ARHGAP21: variants seen among roughly 807,000 people sequenced by gnomAD.
ARHGAP21 encodes rho GTPase-activating protein 21.
A neutral mutation model predicts 164.6 loss-of-function variants in ARHGAP21; 38 were observed. The observed-to-expected ratio is 0.23, with a 90% CI of 0.18 to 0.30. The LOEUF (loss-of-function observed/expected upper bound fraction) is 0.30, where lower values mean the gene tolerates loss of function less well. Ranked by LOEUF, ARHGAP21 falls within the 10% of genes least tolerant of loss-of-function variation. The probability of loss-of-function intolerance (pLI) is 1.00; values close to 1 mark genes in which losing one functional copy is unlikely to be tolerated. For synonymous variants in ARHGAP21, 766 were observed against 857.9 expected, an observed-to-expected ratio of 0.89 and a Z score of 1.87; for missense variants, 1,822 against 2,370.7, an observed-to-expected ratio of 0.77 and a Z score of 4.81.
At chr10:24,675,220 C>A (rs1398302848) in intron 2 of ARHGAP21, among the ~76,000 whole-genome samples, 1 of 152,084 alleles carries the variant, frequency 6.6e-6, no homozygotes, top group Non-Finnish European at 1.5e-5. Flanking sequence ...AGCCAAACAA[C>A]AGAATGCTAC....
rs769458648 is a variant in ARHGAP21, at chr10:24,584,647, C to T, written c.5642G>A (p.Arg1881Gln). ...GDPQTENPST[R>Q]EIATTDTPLS... ...AGGTGTGTCGGTCGTGGCTATTTCTCGTGTGCTTGGGTTCTCTGTCTGGGG... is the reference window on the plus strand; with the variant it reads ...AGGTGTGTCGGTCGTGGCTATTTCTTGTGTGCTTGGGTTCTCTGTCTGGGG... Residue 1881 changes from arginine (R) to glutamine (Q), a missense_variant, in exon 26 of 26, where the codon CGA (arginine) becomes CAA (glutamine). Arg to Gln is a conservative substitution (Grantham distance 43). Around this residue, in one of 5 missense-constraint regions of ARHGAP21, gnomAD observed 165 missense variants for 176.6 expected, o/e 0.93. Transcript: ENST00000396432. 1.2e-5 allele frequency: 19 copies of T among 1,613,896 alleles called. No homozygotes were observed. In the East Asian group the frequency reaches 3.3e-4, roughly 28 times the overall value.
chr10:24,705,970 A>G (rs1195912015), intron 2 of ARHGAP21, among the ~76,000 whole-genome samples: 2 of 152,236 alleles, frequency 1.3e-5, no homozygotes, highest in African/African-American at 4.8e-5. Flanking sequence ...TCAAAAGCAG[A>G]CAATAGCTAA....
rs529580194 is a variant in ARHGAP21 at position 24,601,600 on chromosome 10, ATAAAC to A, written c.2847+373_2847+377del. Among the ~76,000 whole-genome samples, 1,217 of 152,322 alleles carry A rather than the reference ATAAAC, an allele frequency of 8.0e-3. 12 individuals carry two copies. Among genetic ancestry groups the A allele is most frequent in the South Asian group, 0.018 (89 of 4,828 alleles). ...AACAAAGTTATAAAGGTAATTTAAA[ATAAAC>A]TAAGAAAAGAGACATAAAAATTTAA... On this transcript the variant is annotated intron_variant, in intron 13 of 25. Coordinates refer to ENST00000396432, the MANE Select transcript of ARHGAP21 (RefSeq NM_020824.4).
chr10:24,627,238 G>A (rs1408948165), intron 7 of ARHGAP21, among the ~76,000 whole-genome samples: 2 of 152,120 alleles, frequency 1.3e-5, no homozygotes, highest in Non-Finnish European at 2.9e-5. Flanking sequence ...TACAGTGGCT[G>A]TAAAAATGTT....
chr10:24,633,262 C>T, intron 6 of ARHGAP21, 140 bp downstream of exon 6: 1 of 584,996 alleles, frequency 1.7e-6, no homozygotes, highest in Non-Finnish European at 2.8e-6. Flanking sequence ...TGGCAACTCT[C>T]AAATGCATTA....
intron 19 of ARHGAP21, 145 bp from the exon 20 acceptor site, chr10:24,595,335 C>A (rs1422415795): frequency 1.4e-6 from 1 of 731,370 alleles, no homozygotes; most frequent in East Asian, 2.7e-5. Context: ...ATGTAAGTTC[C>A]CTGCAGGAAC....
At chr10:24,603,548 G>C (rs1284554020) in intron 12 of ARHGAP21, among the ~76,000 whole-genome samples, 1 of 152,180 alleles carries the variant, frequency 6.6e-6, no homozygotes, top group Non-Finnish European at 1.5e-5. Context: ...GTGAGTGAAT[G>C]AGTCACTGGA....
chr10:24,585,426 G>A lies in ARHGAP21; in HGVS notation c.4863C>T (p.Asp1621=), dbSNP rs758555476. The stretch of plus-strand genomic sequence containing the variant: ...CTTCACTGATGAGTTCGCTTCTCTC[G>A]TCATCTGCCTCGTCCCCCTTGCTCT... ...VAESKGDEAD[D]ERSELISEGR... Residue 1621 remains aspartate, a synonymous_variant, in exon 26 of 26, where the codon GAC becomes GAT. Transcript: ENST00000396432. 73 of 1,613,860 alleles carry A rather than the reference G, an allele frequency of 4.5e-5. No homozygotes were observed. The highest frequency in any genetic ancestry group is 1.6e-4 in the Middle Eastern group (1 of 6,084).
intron 21 of ARHGAP21, among the ~76,000 whole-genome samples, chr10:24,594,494 A>G (rs766435383): frequency 2.0e-5 from 3 of 152,172 alleles, no homozygotes; most frequent in Non-Finnish European, 4.4e-5. Context: ...TAAAAAAAAG[A>G]AAAACTGAAT....
intron 9 of ARHGAP21, among the ~76,000 whole-genome samples, chr10:24,610,755 G>C (rs753173834): frequency 2.0e-5 from 3 of 152,086 alleles, no homozygotes; most frequent in Non-Finnish European, 2.9e-5. Context: ...ATTCATACAT[G>C]TTACATAATA....
At chr10:24,623,637 G>A (rs994960061) in intron 7 of ARHGAP21, among the ~76,000 whole-genome samples, 1 of 152,140 alleles carries the variant, frequency 6.6e-6, no homozygotes, top group Non-Finnish European at 1.5e-5. Flanking sequence ...ATACTGTACT[G>A]TCTGGTACAG....
At chr10:24,635,196 CT>C in intron 4 of ARHGAP21, 93 bp from the exon 5 acceptor site, 1 of 746,836 alleles carries the variant, frequency 1.3e-6, no homozygotes, top group Non-Finnish European at 2.0e-6. Flanking sequence ...TTAAGCAAAG[CT>C]TTTTAATGAA....
At chr10:24,599,419 G>A (rs778700749) in intron 14 of ARHGAP21, among the ~76,000 whole-genome samples, 15 of 152,194 alleles carry the variant, frequency 9.9e-5, no homozygotes, top group Non-Finnish European at 2.1e-4. Flanking sequence ...AAGATCTGGT[G>A]TTATTTTTAA....
intron 2 of ARHGAP21, among the ~76,000 whole-genome samples, chr10:24,678,688 TTTTG>T (rs553824280): frequency 1.4e-4 from 22 of 152,080 alleles, no homozygotes; most frequent in African/African-American, 3.4e-4. Flanking sequence ...TTTTGAGGGT[TTTTG>T]TTTGTTTGTT....
At chr10:24,687,241 A>T (rs927757711) in intron 2 of ARHGAP21, among the ~76,000 whole-genome samples, 1 of 152,162 alleles carries the variant, frequency 6.6e-6, no homozygotes, top group Non-Finnish European at 1.5e-5. Flanking sequence ...TAACCATATT[A>T]TAATTGCTTG....
At chr10:24,659,038 CAT>C (rs1208522457) in intron 4 of ARHGAP21, among the ~76,000 whole-genome samples, 3 of 152,180 alleles carry the variant, frequency 2.0e-5, no homozygotes, top group Non-Finnish European at 4.4e-5. Context: ...GAAAACAACA[CAT>C]GTTGGAGAGG....
chr10:24,588,949 G>A (rs1373463247), intron 25 of ARHGAP21, among the ~76,000 whole-genome samples: 4 of 152,112 alleles, frequency 2.6e-5, no homozygotes, highest in East Asian at 3.9e-4. Context: ...TACTGGAGAT[G>A]AAGATGGGTG....
intron 2 of ARHGAP21, among the ~76,000 whole-genome samples, chr10:24,682,972 T>C (rs1237619854): frequency 6.6e-6 from 1 of 151,742 alleles, no homozygotes; most frequent in East Asian, 1.9e-4. Flanking sequence ...GGCGGACACC[T>C]GTGGTCCCAG....
rs1030930585 is a variant in ARHGAP21 at position 24,644,834 on chromosome 10, C to T, written c.269-9731G>A. Among the ~76,000 whole-genome samples, 8 of 152,282 alleles carry T rather than the reference C, an allele frequency of 5.3e-5. 1 individual carries two copies. Among genetic ancestry groups the T allele is most frequent in the East Asian group, 3.9e-4 (2 of 5,182 alleles). On this transcript the variant is annotated intron_variant, in intron 4 of 25. Transcript: ENST00000396432. ...CTCTCTGTGTATGGTTTCACTTACA[C>T]TTAAGACTTAATTATAACATATAAA...
Sources: gnomAD v4.1 joint callset for allele counts (sites outside exome capture counted in the v4.1 genomes callset) on GRCh38, gnomAD v4.1.1 for gene constraint, gnomAD v4.1.1 regional missense constraint, MANE v1.5 for transcripts, NCBI Gene and HGNC (gene_info 2026-07-23, HGNC 2026-07-21) for gene names.